The following THAP6 variants were observed in gnomAD, a reference collection of about 807,000 sequenced individuals.
The protein encoded by THAP6 is THAP domain-containing protein 6.
Under a neutral mutation model 20.0 loss-of-function variants are expected in THAP6, and 13 were observed. That is an observed-to-expected ratio of 0.65 (90% CI 0.42 to 1.03). The LOEUF (loss-of-function observed/expected upper bound fraction) is 1.03. Ranked by LOEUF, THAP6 falls within the 50% of genes least tolerant of loss-of-function variation. The probability of loss-of-function intolerance (pLI) is 0.00; values close to 1 mark genes in which losing one functional copy is unlikely to be tolerated. For missense variants in THAP6, 262 were observed against 261.6 expected (o/e 1.00, Z -0.01); for synonymous variants, 93 against 92.2 (o/e 1.01, Z -0.05).
chr4:75,527,397 G>A lies in THAP6; in HGVS notation c.*183G>A. ...ATATGCAGAAATTTGTGGTAATTAT[G>A]TATTTGTGTCTTGTGACAATTATGT... On this transcript the variant is annotated 3_prime_UTR_variant, in exon 5 of 5. Transcript: ENST00000311638. 3 of 1,409,522 alleles carry A rather than the reference G, an allele frequency of 2.1e-6. No homozygotes were observed. The highest frequency in any genetic ancestry group is 1.6e-5 in the South Asian group (1 of 61,662). The allele number at this position is 1,409,522 out of a possible 1,614,324, so 87.3% of individuals were successfully genotyped here.
At chr4:75,515,591 A>G in intron 2 of THAP6, 59 bp downstream of exon 2, 3 of 1,553,740 alleles carry the variant, frequency 1.9e-6, no homozygotes, top group Non-Finnish European at 2.7e-6. Flanking sequence ...AGCAAAAGAC[A>G]GTTCTACTTA....
chr4:75,542,412 T>C (rs1369323869), exon 3 of THAP6: 1 of 702,094 alleles, frequency 1.4e-6, no homozygotes, highest in East Asian at 2.7e-5. Flanking sequence ...GTTTCAGATA[T>C]CCATGTTCAA....
At chr4:75,540,453 A>G (rs1270954738) in intron 2 of THAP6, among the ~76,000 whole-genome samples, 1 of 152,240 alleles carries the variant, frequency 6.6e-6, no homozygotes, top group East Asian at 1.9e-4. Context: ...CCTTGAACTC[A>G]CCTGAGCTCC....
intron 3 of THAP6, chr4:75,543,106 G>T (rs977403568): frequency 3.3e-5 from 5 of 152,294 alleles, no homozygotes; most frequent in Non-Finnish European, 5.9e-5. Flanking sequence ...AAGAATGCAT[G>T]GAATGATAAA....
chr4:75,534,428 C>T (rs954129159), downstream of THAP6, among the ~76,000 whole-genome samples: 4 of 152,180 alleles, frequency 2.6e-5, no homozygotes, highest in Admixed American at 2.6e-4. Flanking sequence ...GGATTAAAGA[C>T]TTAAATATTA....
intron 2 of THAP6, among the ~76,000 whole-genome samples, chr4:75,539,469 GC>G (rs1726949003): frequency 6.6e-6 from 1 of 152,208 alleles, no homozygotes; most frequent in African/African-American, 2.4e-5. Flanking sequence ...GGGCAATATA[GC>G]AGGGTCTGTG....
At chr4:75,540,263 AT>A (rs201046130) in intron 2 of THAP6, among the ~76,000 whole-genome samples, 2 of 151,900 alleles carry the variant, frequency 1.3e-5, no homozygotes, top group East Asian at 3.9e-4. Flanking sequence ...AGCTCAGTCA[AT>A]TTTTTTTTCA....
Position 75,528,350 on chromosome 4 carries a change from G to C in THAP6, c.*1136G>C. On this transcript the variant is annotated 3_prime_UTR_variant, in exon 5 of 5. Transcript: ENST00000311638. Reference sequence around the variant, plus strand: ...TTCCTTACCGAAAACAACTGAAATTGAGAGTCATAAATACTGTGGGTTAGA... The same window carrying C: ...TTCCTTACCGAAAACAACTGAAATTCAGAGTCATAAATACTGTGGGTTAGA... The C allele has an allele frequency of 1.0e-6, 1 of 985,374 alleles. No homozygotes were observed. The highest frequency in any genetic ancestry group is 1.2e-6 in the Non-Finnish European group (1 of 829,920). 61.0% of individuals were successfully genotyped at this position (985,374 alleles called of 1,614,324 possible). A position where few individuals can be genotyped will look rare whatever the true frequency, so the allele number is the denominator to read the frequency against.
At chr4:75,514,980 A>G (rs189807681) in intron 1 of THAP6, 199 of 166,482 alleles carry the variant, frequency 1.2e-3, no homozygotes, top group African/African-American at 4.6e-3. Flanking sequence ...AAGAGCAATC[A>G]CTGCAATAAA....
At chr4:75,526,755 C>T (rs1560546105) in intron 4 of THAP6, among the ~76,000 whole-genome samples, 1 of 152,146 alleles carries the variant, frequency 6.6e-6, no homozygotes. Flanking sequence ...TTTGTGTATG[C>T]CTGGCCTTAG....
At chr4:75,542,456 C>A in exon 3 of THAP6, 1 of 702,402 alleles carries the variant, frequency 1.4e-6, no homozygotes, top group South Asian at 1.5e-5. Flanking sequence ...AAAATTATTT[C>A]TCAGTAACCA....
At chr4:75,539,519 T>C (rs1489295911) in intron 2 of THAP6, among the ~76,000 whole-genome samples, 1 of 152,178 alleles carries the variant, frequency 6.6e-6, no homozygotes, top group South Asian at 2.1e-4. Flanking sequence ...TAATGGAGCT[T>C]CAAAATTACA....
At chr4:75,538,088 T>G in intron 2 of THAP6, among the ~76,000 whole-genome samples, 1 of 152,186 alleles carries the variant, frequency 6.6e-6, no homozygotes, top group East Asian at 1.9e-4. Flanking sequence ...GTTAGTCAAA[T>G]ATAACAAGAG....
At chr4:75,534,883 G>T (rs960267608), downstream of THAP6, among the ~76,000 whole-genome samples, 5 of 152,136 alleles carry the variant, frequency 3.3e-5, no homozygotes, top group South Asian at 2.1e-4. Context: ...CCAGTTAGAA[G>T]GGCGATCATT....
At chr4:75,540,101 A>C (rs1479193339) in intron 2 of THAP6, 14 of 1,011,002 alleles carry the variant, frequency 1.4e-5, no homozygotes, top group Non-Finnish European at 2.0e-5. Context: ...AAGCCATTTA[A>C]TCTATCTTAG....
downstream of THAP6, among the ~76,000 whole-genome samples, chr4:75,533,780 A>C (rs576584015): frequency 6.6e-6 from 1 of 151,910 alleles, no homozygotes; most frequent in South Asian, 2.1e-4. Flanking sequence ...TTTTTATTAT[A>C]CTTTAAGTTC....
chr4:75,521,655 A>G (rs752020444), intron 3 of THAP6, 81 bp from the exon 4 acceptor site: 73 of 1,375,150 alleles, frequency 5.3e-5, no homozygotes, highest in Non-Finnish European at 7.0e-5. Flanking sequence ...TAACTTCACT[A>G]TACAAAGTTA....
intron 2 of THAP6, chr4:75,539,757 T>C: frequency 6.7e-7 from 1 of 1,489,280 alleles, no homozygotes. Context: ...ACCTTACCCA[T>C]TGGTGGTGAG....
downstream of THAP6, among the ~76,000 whole-genome samples, chr4:75,533,842 A>G (rs1287079005): frequency 6.6e-6 from 1 of 151,960 alleles, no homozygotes; most frequent in Non-Finnish European, 1.5e-5. Context: ...TACATGTGCC[A>G]TGTTGGTGTG....
Sources: gnomAD v4.1 joint callset for allele counts (sites outside exome capture counted in the v4.1 genomes callset) on GRCh38, gnomAD v4.1.1 for gene constraint, MANE v1.5 for transcripts, NCBI Gene and HGNC (gene_info 2026-07-23, HGNC 2026-07-21) for gene names.